The following PPM1E variants were observed in gnomAD, a reference collection of about 807,000 sequenced individuals.
PPM1E encodes the protein protein phosphatase, Mg2+/Mn2+ dependent 1E.
Under a neutral mutation model 65.9 loss-of-function variants are expected in PPM1E, and 20 were observed. The observed-to-expected ratio is 0.30, with a 90% confidence interval of 0.21 to 0.44. The LOEUF (loss-of-function observed/expected upper bound fraction) is 0.44, where lower values mean the gene tolerates loss of function less well. Among genes scored for constraint, PPM1E ranks in the 20% least tolerant of loss-of-function variants. The pLI is 1.00. For synonymous variants in PPM1E, 352 were observed against 374.9 expected (o/e 0.94, Z 0.70); for missense variants, 713 against 953.1 (o/e 0.75, Z 3.32).
Position 58,981,330 on chromosome 17 carries a change from A to C in PPM1E, c.*299A>C. On this transcript the variant is annotated 3_prime_UTR_variant, in exon 7 of 7. Transcript: ENST00000308249. ...CTAGATACACAACCCCCTTCCCACCATCCCTTCAGTCACTAGTGGAAGCTT... is the reference window on the plus strand; with the variant it reads ...CTAGATACACAACCCCCTTCCCACCCTCCCTTCAGTCACTAGTGGAAGCTT... 6.9e-6 allele frequency: 2 copies of C among 291,296 alleles called. No homozygotes were observed. Among genetic ancestry groups the C allele is most frequent in the Non-Finnish European group, 1.3e-5 (2 of 157,258 alleles). The allele number at this position is 291,296 out of a possible 1,614,324, so 18.0% of individuals were successfully genotyped here.
chr17:58,802,249 G>C (rs1450831466), intron 1 of PPM1E, among the ~76,000 whole-genome samples: 1 of 152,080 alleles, frequency 6.6e-6, no homozygotes, highest in Non-Finnish European at 1.5e-5. Context: ...TTTTTGAATA[G>C]GGATATCCAG....
intron 1 of PPM1E, among the ~76,000 whole-genome samples, chr17:58,879,398 A>C (rs1025044710): frequency 2.0e-5 from 3 of 150,604 alleles, no homozygotes; most frequent in African/African-American, 4.9e-5. Context: ...ACGGGTGTGT[A>C]CCACTGTGCT....
At chr17:58,756,509 G>T in intron 1 of PPM1E, 48 bp downstream of exon 1, 1 of 1,261,496 alleles carries the variant, frequency 7.9e-7, no homozygotes, top group Non-Finnish European at 1.0e-6. Flanking sequence ...TCCCCACCGC[G>T]CCGGCCTCGG....
At chr17:58,932,603 C>A (rs1210154969) in intron 1 of PPM1E, among the ~76,000 whole-genome samples, 1 of 151,988 alleles carries the variant, frequency 6.6e-6, no homozygotes, top group Non-Finnish European at 1.5e-5. Context: ...AGAAGGGCTC[C>A]GTAAGGAAGT....
At chr17:58,794,967 C>T (rs539171579) in intron 1 of PPM1E, among the ~76,000 whole-genome samples, 135 of 150,432 alleles carry the variant, frequency 9.0e-4, no homozygotes, top group Non-Finnish European at 1.2e-3. Context: ...TGGCTCACTG[C>T]AACTTCCGCC....
At chr17:58,809,255 A>T (rs1040204923) in intron 1 of PPM1E, among the ~76,000 whole-genome samples, 2 of 151,970 alleles carry the variant, frequency 1.3e-5, no homozygotes, top group Non-Finnish European at 2.9e-5. Flanking sequence ...CTAGCTAATT[A>T]AAAAAAATTT....
intron 1 of PPM1E, among the ~76,000 whole-genome samples, chr17:58,765,502 C>T (rs1488274403): frequency 6.6e-6 from 1 of 151,914 alleles, no homozygotes; most frequent in Non-Finnish European, 1.5e-5. Flanking sequence ...AAACAGTATC[C>T]TCATGTGAAT....
At chr17:58,825,224 TCACACACACACACACACACACACACA>T (rs71367635) in intron 1 of PPM1E, among the ~76,000 whole-genome samples, 2 of 140,038 alleles carry the variant, frequency 1.4e-5, no homozygotes, top group Non-Finnish European at 3.1e-5. Flanking sequence ...ACACACACAC[TCACACACACACACACACACACACACA>T]CACACACACA....
chr17:58,816,858 C>T (rs9972924), intron 1 of PPM1E, among the ~76,000 whole-genome samples: 34,112 of 140,002 alleles, frequency 0.24, 5,083 homozygotes, highest in Middle Eastern at 0.45. Flanking sequence ...TGCAGTGGCG[C>T]GATCTCAGCT....
intron 1 of PPM1E, among the ~76,000 whole-genome samples, chr17:58,915,410 AC>A (rs1183173905): frequency 6.6e-6 from 1 of 152,128 alleles, no homozygotes; most frequent in Non-Finnish European, 1.5e-5. Flanking sequence ...GGTTTTAGCC[AC>A]CTTCTTTACT....
chr17:58,952,680 T>TTTTG (rs1009349080), intron 1 of PPM1E, among the ~76,000 whole-genome samples: 6 of 152,030 alleles, frequency 3.9e-5, no homozygotes, highest in African/African-American at 1.4e-4. Context: ...TTTGTTTTCT[T>TTTTG]TTTGTTTGTT....
chr17:58,874,661 A>G (rs1160770654), intron 1 of PPM1E, among the ~76,000 whole-genome samples: 2 of 152,168 alleles, frequency 1.3e-5, no homozygotes, highest in African/African-American at 2.4e-5. Flanking sequence ...TTGAGAAATT[A>G]TAACCTGGTT....
chr17:58,836,192 G>T (rs2096109968), intron 1 of PPM1E, among the ~76,000 whole-genome samples: 1 of 152,020 alleles, frequency 6.6e-6, no homozygotes. Flanking sequence ...TAAGTTTTGG[G>T]TATATATTGT....
intron 1 of PPM1E, among the ~76,000 whole-genome samples, chr17:58,802,954 A>G (rs1421602132): frequency 1.3e-5 from 2 of 152,076 alleles, no homozygotes; most frequent in East Asian, 3.9e-4. Flanking sequence ...TTTCATATAT[A>G]TTAGATCATG....
chr17:58,794,178 C>T (rs1567835601), intron 1 of PPM1E, among the ~76,000 whole-genome samples: 1 of 152,148 alleles, frequency 6.6e-6, no homozygotes, highest in Admixed American at 6.5e-5. Flanking sequence ...CTCCTGACTT[C>T]AGGTGATCCG....
At chr17:58,962,284 CAAA>C (rs768983417) in intron 2 of PPM1E, among the ~76,000 whole-genome samples, 8 of 79,020 alleles carry the variant, frequency 1.0e-4, no homozygotes, top group Admixed American at 2.8e-4. Context: ...AACTCCATCT[CAAA>C]AAAAAAAAAA....
At chr17:58,957,479 C>T (rs762502268) in intron 2 of PPM1E, among the ~76,000 whole-genome samples, 36 of 152,226 alleles carry the variant, frequency 2.4e-4, no homozygotes, top group East Asian at 1.4e-3. Flanking sequence ...TGTCTCCATA[C>T]GACTGCTGTG....
intron 1 of PPM1E, among the ~76,000 whole-genome samples, chr17:58,820,437 GATA>G (rs748139725): frequency 6.6e-6 from 1 of 152,088 alleles, no homozygotes; most frequent in Non-Finnish European, 1.5e-5. Flanking sequence ...GATTAAAGAA[GATA>G]ATAATAATAC....
chr17:58,950,777 C>CTT (rs1036026350), intron 1 of PPM1E, among the ~76,000 whole-genome samples: 57 of 119,902 alleles, frequency 4.8e-4, no homozygotes, highest in Admixed American at 1.3e-3. Flanking sequence ...CTGTTTGGTT[C>CTT]TTTTTTTTTT....
Sources: allele counts gnomAD v4.1 joint callset (sites outside exome capture counted in the v4.1 genomes callset), GRCh38; gene constraint gnomAD v4.1.1; transcripts MANE v1.5; gene names NCBI Gene and HGNC (gene_info 2026-07-23, HGNC 2026-07-21).